HDAC8: variants seen among roughly 807,000 people sequenced by gnomAD.
The protein encoded by HDAC8 is histone deacetylase-like 1.
Under a neutral mutation model 32.2 loss-of-function variants are expected in HDAC8, and 1 was observed. That is an observed-to-expected ratio of 0.03 (90% CI 0.01 to 0.15). The LOEUF (loss-of-function observed/expected upper bound fraction) is 0.15. Among genes scored for constraint, HDAC8 ranks in the 10% least tolerant of loss-of-function variants. HDAC8 has a pLI of 1.00. For synonymous variants in HDAC8, 108 were observed against 113.9 expected, an observed-to-expected ratio of 0.95 and a Z score of 0.33; for missense variants, 117 against 300.0, an observed-to-expected ratio of 0.39 and a Z score of 4.51.
At chrX:72,417,167 C>A (rs1388105051) in intron 9 of HDAC8, among the ~76,000 whole-genome samples, 1 of 111,045 alleles carries the variant, frequency 9.0e-6, no homozygotes, top group Non-Finnish European at 1.9e-5. Context: ...CCTTGAGAAC[C>A]AGAACAAGAC....
intron 9 of HDAC8, among the ~76,000 whole-genome samples, chrX:72,372,862 T>C (rs1479944522): frequency 9.0e-6 from 1 of 111,587 alleles, no homozygotes; most frequent in African/African-American, 3.3e-5. Context: ...GTACCTGTAA[T>C]ACAGTAAATA....
intron 9 of HDAC8, among the ~76,000 whole-genome samples, chrX:72,402,976 GGTT>G (rs2045945292): frequency 2.7e-5 from 3 of 111,241 alleles, no homozygotes; most frequent in Admixed American, 1.9e-4. Flanking sequence ...AGATTTTTAT[GGTT>G]GTTGTTTGCA....
chrX:72,508,828 A>C (rs2049474951), intron 4 of HDAC8, among the ~76,000 whole-genome samples: 1 of 112,229 alleles, frequency 8.9e-6, no homozygotes, highest in African/African-American at 3.2e-5. Flanking sequence ...TCAGCCTCCA[A>C]AATGTGAGAA....
chrX:72,515,878 T>C (rs1556024745), intron 4 of HDAC8, among the ~76,000 whole-genome samples: 1 of 112,176 alleles, frequency 8.9e-6, no homozygotes, highest in Admixed American at 9.4e-5. Context: ...GGTCTATCAC[T>C]TTTTAAAAGT....
At chrX:72,418,604 C>T (rs1182299870) in intron 9 of HDAC8, among the ~76,000 whole-genome samples, 2 of 111,624 alleles carry the variant, frequency 1.8e-5, no homozygotes, top group Non-Finnish European at 3.8e-5. Flanking sequence ...ATTAGCTCAA[C>T]CATTATGGAA....
chrX:72,514,273 C>T (rs1440395531), intron 4 of HDAC8, among the ~76,000 whole-genome samples: 4 of 111,815 alleles, frequency 3.6e-5, no homozygotes, highest in Admixed American at 2.8e-4. Context: ...TGCCTGAAAC[C>T]GGTGGACAGG....
intron 2 of HDAC8, 22 bp downstream of exon 2, chrX:72,572,035 A>G (rs782239743): frequency 1.6e-5 from 19 of 1,166,898 alleles, no homozygotes; most frequent in Non-Finnish European, 2.2e-5. Flanking sequence ...CTTCAGGGCT[A>G]TGTTCAAGAA....
At chrX:72,342,720 A>G (rs1382900628) in intron 10 of HDAC8, among the ~76,000 whole-genome samples, 1 of 111,873 alleles carries the variant, frequency 8.9e-6, no homozygotes, top group East Asian at 2.8e-4. Flanking sequence ...TTTATGCAAC[A>G]ATCAGCAGCT....
At chrX:72,470,126 C>A (rs2048126111) in intron 7 of HDAC8, among the ~76,000 whole-genome samples, 1 of 108,057 alleles carries the variant, frequency 9.3e-6, no homozygotes, top group Non-Finnish European at 1.9e-5. Context: ...CCAGCCTGGG[C>A]CACAGAGTGA....
chrX:72,477,426 C>A (rs144795389), intron 7 of HDAC8, among the ~76,000 whole-genome samples: 4 of 112,067 alleles, frequency 3.6e-5, no homozygotes, highest in Admixed American at 1.9e-4. Flanking sequence ...CAATTGCTCA[C>A]TTTTCAAGCT....
chrX:72,451,685 G>A (rs1282322208), intron 9 of HDAC8, among the ~76,000 whole-genome samples: 1 of 113,042 alleles, frequency 8.8e-6, no homozygotes, highest in Non-Finnish European at 1.9e-5. Flanking sequence ...TGAAGGCAGA[G>A]AAAATGAAGG....
At chrX:72,504,546 A>C (rs2049326219) in intron 4 of HDAC8, among the ~76,000 whole-genome samples, 1 of 111,441 alleles carries the variant, frequency 9.0e-6, no homozygotes, top group Non-Finnish European at 1.9e-5. Context: ...CATCACACAC[A>C]CACACACACC....
chrX:72,356,627 T>G (rs1555950904), intron 9 of HDAC8, among the ~76,000 whole-genome samples: 2 of 108,829 alleles, frequency 1.8e-5, no homozygotes, highest in Non-Finnish European at 3.8e-5. Context: ...CAGGCTGGAG[T>G]TCAGTGTCGT....
intron 9 of HDAC8, among the ~76,000 whole-genome samples, chrX:72,453,449 T>C (rs1362029652): frequency 1.4e-5 from 1 of 73,059 alleles, no homozygotes; most frequent in Non-Finnish European, 2.7e-5. Flanking sequence ...GGAGTAAGAC[T>C]CTGTCTCTTA....
intron 4 of HDAC8, among the ~76,000 whole-genome samples, chrX:72,528,417 A>G (rs140390854): frequency 3.5e-4 from 39 of 112,383 alleles, no homozygotes; most frequent in Middle Eastern, 9.1e-3. Context: ...AGGTAGGAAG[A>G]GCAGTGGCAT....
At chrX:72,453,043 T>C (rs1199709295) in intron 9 of HDAC8, among the ~76,000 whole-genome samples, 1 of 110,522 alleles carries the variant, frequency 9.0e-6, no homozygotes, top group African/African-American at 3.3e-5. Context: ...GAAATTTCAC[T>C]GGATGAGATT....
chrX:72,428,158 A>G lies in HDAC8; in HGVS notation c.1005+33846T>C, dbSNP rs189159791. Among the ~76,000 whole-genome samples the G allele has an allele frequency of 2.3e-3, 260 of 111,732 alleles. 1 individual carries two copies. Among genetic ancestry groups the G allele is most frequent in the Non-Finnish European group, 2.8e-3 (148 of 53,046 alleles). On this transcript the variant is annotated intron_variant, in intron 9 of 10. Transcript: ENST00000373573. The stretch of plus-strand genomic sequence containing the variant: ...ACCCAGGCTGGAGTGCAGTGGCGCA[A>G]TCTCCGCTCACTGCAACCTCCGCCT...
chrX:72,544,520 T>C (rs142237000), intron 4 of HDAC8, among the ~76,000 whole-genome samples: 558 of 111,572 alleles, frequency 5.0e-3, no homozygotes, highest in Non-Finnish European at 8.1e-3. Context: ...TGCTGATGTT[T>C]TCAATCTTCC....
chrX:72,405,427 A>T (rs1386320336), intron 9 of HDAC8, among the ~76,000 whole-genome samples: 12 of 112,512 alleles, frequency 1.1e-4, no homozygotes, highest in South Asian at 7.5e-4. Flanking sequence ...GTTGCAGTGA[A>T]TATACACGTA....
Sources: allele counts gnomAD v4.1 joint callset (sites outside exome capture counted in the v4.1 genomes callset), GRCh38; gene constraint gnomAD v4.1.1; transcripts MANE v1.5; gene names NCBI Gene and HGNC (gene_info 2026-07-23, HGNC 2026-07-21).